The following CAMSAP1 variants were observed in gnomAD, a reference collection of about 807,000 sequenced individuals.
CAMSAP1 encodes the protein calmodulin regulated spectrin associated protein 1.
Under a neutral mutation model 143.5 loss-of-function variants are expected in CAMSAP1, and 58 were observed. That is an observed-to-expected ratio of 0.40 (90% CI 0.33 to 0.50). The LOEUF is 0.50. CAMSAP1 is among the 20% of genes least tolerant of loss of function. The pLI is 0.45. For missense variants in CAMSAP1, 1,969 were observed against 2,115.7 expected (o/e 0.93, Z 1.36); for synonymous variants, 945 against 859.3 (o/e 1.10, Z -1.74).
intron 8 of CAMSAP1, 149 bp downstream of exon 8, chr9:135,827,258 G>T: frequency 1.3e-6 from 1 of 762,452 alleles, no homozygotes; most frequent in Non-Finnish European, 1.9e-6. Flanking sequence ...GGACCGAATG[G>T]CCAGAAGGGC....
chr9:135,899,160 G>A (rs1440524959), intron 1 of CAMSAP1, among the ~76,000 whole-genome samples: 1 of 152,108 alleles, frequency 6.6e-6, no homozygotes, highest in African/African-American at 2.4e-5. Context: ...GGGCACAAAG[G>A]AAACTCGGGA....
rs1399777128 is a variant in CAMSAP1 at position 135,882,160 on chromosome 9, C to A, written c.424-366G>T. Among the ~76,000 whole-genome samples the A allele has an allele frequency of 6.6e-6, 1 of 152,220 alleles. No individual in the cohort carries two copies. Among genetic ancestry groups the A allele is most frequent in the Non-Finnish European group, 1.5e-5 (1 of 68,042 alleles). On this transcript the variant is annotated intron_variant, in intron 2 of 16. Coordinates refer to ENST00000389532, the MANE Select transcript of CAMSAP1 (RefSeq NM_015447.4). This position sits in a 1 kb window ranked among gnomAD's most constrained non-coding sequence, Gnocchi z 4.9. ...GGTTGTGGGAAGGCAGACAGGAGAC[C>A]TGCCCCAGGCCAACTGCCCACCAGA... is the stretch of plus-strand genomic sequence containing the variant.
At position 135,822,074 on chromosome 9, in the gene CAMSAP1, G is replaced by A; in HGVS notation, c.2587C>T (p.Pro863Ser). 5.6e-6 allele frequency: 9 copies of A among 1,612,526 alleles called. No individual in the cohort carries two copies. Among genetic ancestry groups the A allele is most frequent in the Non-Finnish European group, 7.6e-6 (9 of 1,179,578 alleles). ...TTWRQKREQS[P>S]SQHGKDPASL... ...GCGGGATCCTTGCCATGCTGGCTCG[G>A]ACTCTGCTCCCTCTTCTGCCTCCAC... is the stretch of plus-strand genomic sequence containing the variant. The change falls in exon 11 of 17, where the codon CCG becomes TCG. Residue 863 changes from proline to serine, a missense_variant. Coordinates refer to ENST00000389532, the MANE Select transcript of CAMSAP1 (RefSeq NM_015447.4). The surrounding 1 kb of genome is among the most constrained non-coding windows in gnomAD (Gnocchi z 6.1).
intron 5 of CAMSAP1, among the ~76,000 whole-genome samples, chr9:135,861,827 A>G (rs4287015): frequency 5.9e-5 from 9 of 152,044 alleles, no homozygotes; most frequent in African/African-American, 2.2e-4. Flanking sequence ...ATCAGAATTC[A>G]TGCTCCCCCA....
At chr9:135,850,665 TC>T (rs529263463) in intron 5 of CAMSAP1, among the ~76,000 whole-genome samples, 3 of 152,278 alleles carry the variant, frequency 2.0e-5, no homozygotes, top group African/African-American at 7.2e-5. Context: ...ACCTCTCAAG[TC>T]TGAATTTGAT....
intron 7 of CAMSAP1, among the ~76,000 whole-genome samples, chr9:135,847,424 G>A (rs1175942837): frequency 6.6e-6 from 1 of 151,976 alleles, no homozygotes; most frequent in Non-Finnish European, 1.5e-5. Flanking sequence ...TATGTTTACT[G>A]CAGCACTATT....
chr9:135,821,745 CTGTGGCTCGTG>C lies in CAMSAP1; in HGVS notation c.2905_2915del (p.His969GlyfsTer14). On this transcript the variant is annotated frameshift_variant, in exon 11 of 17. Transcript: ENST00000389532. LOFTEE classifies it high-confidence loss of function. This position sits in a 1 kb window ranked among gnomAD's most constrained non-coding sequence, Gnocchi z 4.6. ...AGGCCAGGCTCTCTTTGTCCACATC[CTGTGGCTCGTG>C]AAGGAGCTCCTCTCTCTGCTCCTCC... 6.2e-7 allele frequency: 1 copy of C among 1,613,936 alleles called. No homozygotes were observed. Among genetic ancestry groups the C allele is most frequent in the Non-Finnish European group, 8.5e-7 (1 of 1,179,884 alleles).
At chr9:135,891,619 T>G (rs537299355) in intron 1 of CAMSAP1, among the ~76,000 whole-genome samples, 2 of 152,276 alleles carry the variant, frequency 1.3e-5, no homozygotes, top group East Asian at 3.9e-4. Context: ...GAAACCAGTC[T>G]CACAGCATGA....
chr9:135,891,368 A>T (rs1838285326), intron 1 of CAMSAP1, among the ~76,000 whole-genome samples: 1 of 152,180 alleles, frequency 6.6e-6, no homozygotes, highest in Non-Finnish European at 1.5e-5. Flanking sequence ...GAATTCACAA[A>T]AGGAGAGCTG....
At chr9:135,890,286 A>C (rs1838249270) in intron 1 of CAMSAP1, among the ~76,000 whole-genome samples, 1 of 151,968 alleles carries the variant, frequency 6.6e-6, no homozygotes, top group Non-Finnish European at 1.5e-5. Flanking sequence ...CTATACACAC[A>C]CAACTCACAG....
chr9:135,884,845 G>A (rs1414939231), intron 1 of CAMSAP1, among the ~76,000 whole-genome samples: 1 of 152,202 alleles, frequency 6.6e-6, no homozygotes, highest in Non-Finnish European at 1.5e-5. Context: ...GGAAACAAGA[G>A]CAAGGTGGCC....
chr9:135,897,344 A>G (rs1838486887), intron 1 of CAMSAP1, among the ~76,000 whole-genome samples: 1 of 151,874 alleles, frequency 6.6e-6, no homozygotes, highest in South Asian at 2.1e-4. Context: ...TGTGGATCCT[A>G]GGTCTTGCTA....
intron 3 of CAMSAP1, among the ~76,000 whole-genome samples, chr9:135,871,587 T>C (rs1016995835): frequency 7.9e-5 from 12 of 152,296 alleles, no homozygotes; most frequent in South Asian, 4.1e-4. Context: ...TTTTAAACTT[T>C]CTGATTTTTA....
chr9:135,866,495 T>C lies in CAMSAP1; in HGVS notation c.627A>G (p.Lys209=). 1.4e-6 allele frequency: 2 copies of C among 1,479,626 alleles called. No individual in the cohort carries two copies. Among genetic ancestry groups the C allele is most frequent in the Non-Finnish European group, 1.8e-6 (2 of 1,081,468 alleles). 91.7% of individuals were successfully genotyped at this position (1,479,626 alleles called of 1,614,324 possible). Reference sequence around the variant, plus strand: ...GACTTTCCAATAACTGTTGTTTTAATTTAACTTCTTTCTCTGTTATCTCTC... The same window carrying C: ...GACTTTCCAATAACTGTTGTTTTAACTTAACTTCTTTCTCTGTTATCTCTC... The part of the protein sequence containing the change: ...KMREITEKEV[K]LKQQLLESPA... The change falls in exon 4 of 17, where the codon AAA becomes AAG. Residue 209 remains lysine (K), a synonymous_variant. Coordinates refer to ENST00000389532, the MANE Select transcript of CAMSAP1 (RefSeq NM_015447.4).
rs1835317289 is a variant in CAMSAP1 at position 135,818,355 on chromosome 9, GGCC to G, written c.4168+50_4168+52del. On this transcript the variant is annotated intron_variant, in intron 13 of 16. Coordinates refer to ENST00000389532, the MANE Select transcript of CAMSAP1 (RefSeq NM_015447.4). The surrounding 1 kb of genome is among the most constrained non-coding windows in gnomAD (Gnocchi z 7.7). ...AATTGAAATGAGCTGAAGAACGTGA[GGCC>G]GCCGCCCGCGGAAGGAAGCGCTGCC... The G allele has an allele frequency of 7.3e-6, 11 of 1,501,728 alleles. No individual in the cohort carries two copies. In the Admixed American group the frequency reaches 2.3e-4, roughly 31 times the overall value. 93.0% of individuals were successfully genotyped at this position (1,501,728 alleles called of 1,614,324 possible). A position where few individuals can be genotyped will look rare whatever the true frequency, so the allele number is the denominator to read the frequency against.
In CAMSAP1 at chr9:135,818,346, A is replaced by T; in HGVS notation, c.4168+62T>A. The T allele has an allele frequency of 1.3e-6, 2 of 1,482,248 alleles. No individual in the cohort carries two copies. Among genetic ancestry groups the T allele is most frequent in the Non-Finnish European group, 1.8e-6 (2 of 1,108,722 alleles). 91.8% of individuals were successfully genotyped at this position (1,482,248 alleles called of 1,614,324 possible). On this transcript the variant is annotated intron_variant, in intron 13 of 16. Transcript: ENST00000389532. This position sits in a 1 kb window ranked among gnomAD's most constrained non-coding sequence, Gnocchi z 7.7. The stretch of plus-strand genomic sequence containing the variant: ...TGATGACAAAATTGAAATGAGCTGA[A>T]GAACGTGAGGCCGCCGCCCGCGGAA...
At chr9:135,879,733 T>C (rs778207822) in intron 3 of CAMSAP1, among the ~76,000 whole-genome samples, 3 of 151,492 alleles carry the variant, frequency 2.0e-5, no homozygotes, top group African/African-American at 2.4e-5. Context: ...CGCAGGAACG[T>C]GGCCTGAGGG....
chr9:135,815,155 A>G lies in CAMSAP1; in HGVS notation c.4448T>C (p.Ile1483Thr). Residue 1483 changes from isoleucine (I) to threonine (T), a missense_variant, in exon 16 of 17, where the codon ATA (isoleucine) becomes ACA (threonine). Coordinates refer to ENST00000389532, the MANE Select transcript of CAMSAP1 (RefSeq NM_015447.4). ...TTTTCCAGCCAGGCAGCAATGGGAT[A>G]TGGCATTGTGAATAATCGGCTTGTT... ...KSNKPIIHNA[I>T]SHCCLAGKVN... is the part of the protein sequence containing the mutation. 1 of 1,613,958 alleles carries G rather than the reference A, an allele frequency of 6.2e-7. No homozygotes were observed. The highest frequency in any genetic ancestry group is 8.5e-7 in the Non-Finnish European group (1 of 1,179,862).
intron 1 of CAMSAP1, among the ~76,000 whole-genome samples, chr9:135,903,003 T>C (rs1441547333): frequency 2.6e-5 from 4 of 152,222 alleles, no homozygotes; most frequent in Non-Finnish European, 4.4e-5. Flanking sequence ...ATGCTAGTAC[T>C]TGCCCTGGGT....
Sources: allele counts gnomAD v4.1 joint callset (sites outside exome capture counted in the v4.1 genomes callset), GRCh38; gene constraint gnomAD v4.1.1; non-coding constraint Gnocchi (gnomAD v3.1); transcripts MANE v1.5; gene names NCBI Gene and HGNC (gene_info 2026-07-23, HGNC 2026-07-21).